Variants in KHDRBS1 observed in about 807,000 individuals in gnomAD.
KHDRBS1 encodes KH domain-containing, RNA-binding, signal transduction-associated protein 1.
KHDRBS1 carries 7 observed loss-of-function variants against 48.4 expected under a neutral mutation model. That is an observed-to-expected ratio of 0.14 (90% CI 0.08 to 0.27). KHDRBS1 has a LOEUF of 0.27. KHDRBS1 is among the 10% of genes least tolerant of loss of function. The pLI is 1.00. For synonymous variants in KHDRBS1, 241 were observed against 235.8 expected (o/e 1.02, Z -0.20); for missense variants, 458 against 601.2 (o/e 0.76, Z 2.49).
At chr1:32,037,769 C>A in intron 5 of KHDRBS1, 66 bp from the exon 6 acceptor site, 1 of 1,551,488 alleles carries the variant, frequency 6.4e-7, no homozygotes, top group Non-Finnish European at 8.9e-7. Context: ...AATTTGTAAA[C>A]AAATCAGAAC....
At chr1:32,031,180 G>T (rs1253952162) in intron 2 of KHDRBS1, among the ~76,000 whole-genome samples, 1 of 152,202 alleles carries the variant, frequency 6.6e-6, no homozygotes, top group Non-Finnish European at 1.5e-5. Context: ...CCAGAAAGTT[G>T]AGGCTGTGAT....
At chr1:32,023,888 T>G (rs1298718764) in intron 1 of KHDRBS1, among the ~76,000 whole-genome samples, 1 of 152,178 alleles carries the variant, frequency 6.6e-6, no homozygotes, top group Non-Finnish European at 1.5e-5. Context: ...AAGTCAGCTC[T>G]TCCTTGCTTA....
chr1:32,028,298 T>G (rs1399957120), intron 1 of KHDRBS1, among the ~76,000 whole-genome samples: 4 of 151,986 alleles, frequency 2.6e-5, no homozygotes, highest in Non-Finnish European at 2.9e-5. Context: ...CCAGACTGGC[T>G]TTGAAGCCCA....
At chr1:32,049,672 T>A (rs1013350038) in intron 10 of KHDRBS1, among the ~76,000 whole-genome samples, 19 of 151,502 alleles carry the variant, frequency 1.3e-4, no homozygotes, top group Admixed American at 5.9e-4. Flanking sequence ...TTTTATTTTT[T>A]TTTTTTTGAG....
chr1:32,058,678 C>G (rs1486548188), intron 10 of KHDRBS1, among the ~76,000 whole-genome samples: 1 of 152,164 alleles, frequency 6.6e-6, no homozygotes, highest in East Asian at 1.9e-4. Context: ...TAGCACATGC[C>G]TGTAATCCCA....
At chr1:32,028,763 C>A (rs1639024781) in intron 1 of KHDRBS1, among the ~76,000 whole-genome samples, 1 of 151,412 alleles carries the variant, frequency 6.6e-6, no homozygotes, top group African/African-American at 2.4e-5. Context: ...CCTCAGCCTC[C>A]CAAAGTGCTG....
intron 3 of KHDRBS1, among the ~76,000 whole-genome samples, chr1:32,031,889 C>T (rs1639086713): frequency 6.6e-6 from 1 of 152,116 alleles, no homozygotes; most frequent in African/African-American, 2.4e-5. Context: ...ATGGAAACAG[C>T]AGTAGCATGT....
chr1:32,017,638 A>C (rs1444633361), intron 1 of KHDRBS1, among the ~76,000 whole-genome samples: 8 of 90,374 alleles, frequency 8.9e-5, no homozygotes, highest in East Asian at 3.4e-4. Context: ...ACGGAGTTGC[A>C]CTTTTGTTGC....
At chr1:32,022,071 G>A (rs12408664) in intron 1 of KHDRBS1, among the ~76,000 whole-genome samples, 9,357 of 151,610 alleles carry the variant, frequency 0.062, 581 homozygotes, top group East Asian at 0.33. Context: ...GGGTTCAAGC[G>A]ATTCTCCTCT....
intron 3 of KHDRBS1, among the ~76,000 whole-genome samples, chr1:32,032,159 C>G (rs772163099): frequency 3.3e-5 from 5 of 152,094 alleles, no homozygotes; most frequent in Non-Finnish European, 7.4e-5. Flanking sequence ...GAATCTAATG[C>G]GTCTTTTTTT....
At position 32,042,796 on chromosome 1, in the gene KHDRBS1, T is replaced by G; in HGVS notation, c.*172T>G. 1 of 521,112 alleles carries G rather than the reference T, an allele frequency of 1.9e-6. No individual in the cohort carries two copies. Among genetic ancestry groups the G allele is most frequent in the Non-Finnish European group, 3.5e-6 (1 of 289,158 alleles). 32.3% of individuals were successfully genotyped at this position (521,112 alleles called of 1,614,324 possible). A position where few individuals can be genotyped will look rare whatever the true frequency, so the allele number is the denominator to read the frequency against. ...TCCATTCTTAACTCTGCATTCTGGCTTCTGTATGTAGTATTTTAAAATGAG... is the reference window on the plus strand; with the variant it reads ...TCCATTCTTAACTCTGCATTCTGGCGTCTGTATGTAGTATTTTAAAATGAG... On this transcript the variant is annotated 3_prime_UTR_variant, in exon 9 of 9. Transcript: ENST00000327300.
At chr1:32,055,516 C>T (rs1239994039) in intron 10 of KHDRBS1, among the ~76,000 whole-genome samples, 2 of 152,094 alleles carry the variant, frequency 1.3e-5, no homozygotes, top group Non-Finnish European at 2.9e-5. Flanking sequence ...GTACCTCCTG[C>T]TCCCCAGATT....
chr1:32,030,319 G>C lies in KHDRBS1; in HGVS notation c.404G>C (p.Gly135Ala), dbSNP rs561591917. 1 of 1,606,498 alleles carries C rather than the reference G, an allele frequency of 6.2e-7. No homozygotes were observed. The highest frequency in any genetic ancestry group is 2.2e-5 in the East Asian group (1 of 44,658). Residue 135 changes from glycine to alanine, a missense_variant, in exon 2 of 9, where the codon GGA becomes GCA. Gly to Ala is a moderately conservative substitution (Grantham distance 60). This residue lies in a region of KHDRBS1 where 213 missense variants were observed against 215.6 expected (regional missense o/e 0.99). Transcript: ENST00000327300. ...LTAEIEKIQKGDSKKDDEENY... is the reference protein window; with the variant it reads ...LTAEIEKIQKADSKKDDEENY... ...TCAGAAATTGAGAAGATTCAGAAAG[G>C]AGACTCAAAAAAGGATGATGAGGAG...
intron 1 of KHDRBS1, among the ~76,000 whole-genome samples, chr1:32,027,105 T>TA (rs1417943948): frequency 6.6e-6 from 1 of 152,084 alleles, no homozygotes; most frequent in African/African-American, 2.4e-5. Context: ...TATGTATATA[T>TA]TTTTTTAGTA....
Position 32,013,892 on chromosome 1 carries a change from C to A in KHDRBS1, c.-104C>A, listed in dbSNP as rs891610883. Reference sequence around the variant, plus strand: ...TCTCTCGCTGGGTCGCTCGGGTCGGCTTCGGTCGCTACCGCTCCCGCTCTG... The same window carrying A: ...TCTCTCGCTGGGTCGCTCGGGTCGGATTCGGTCGCTACCGCTCCCGCTCTG... On this transcript the variant is annotated 5_prime_UTR_variant, in exon 1 of 9. Coordinates refer to ENST00000327300, the MANE Select transcript of KHDRBS1 (RefSeq NM_006559.3). 1 of 1,163,618 alleles carries A rather than the reference C, an allele frequency of 8.6e-7. No individual in the cohort carries two copies. The highest frequency in any genetic ancestry group is 1.6e-5 in the African/African-American group (1 of 61,910). 72.1% of individuals were successfully genotyped at this position (1,163,618 alleles called of 1,614,324 possible).
chr1:32,038,587 A>C lies in KHDRBS1; in HGVS notation c.1143A>C (p.Glu381Asp). Residue 381 changes from glutamate (E) to aspartate (D), a missense_variant, in exon 7 of 9, where the codon GAA becomes GAC. Glu to Asp is a conservative substitution (Grantham distance 45, BLOSUM62 2). Coordinates refer to ENST00000327300, the MANE Select transcript of KHDRBS1 (RefSeq NM_006559.3). ...YDDTYAEQSY[E>D]GYEGYYSQSQ... ...ATACATACGCAGAACAAAGTTACGA[A>C]GGCTACGAAGGCTATTACAGCCAGA... The C allele has an allele frequency of 6.2e-7, 1 of 1,613,872 alleles. No homozygotes were observed. The highest frequency in any genetic ancestry group is 8.5e-7 in the Non-Finnish European group (1 of 1,179,854).
At chr1:32,032,799 C>T (rs1569793767) in intron 3 of KHDRBS1, among the ~76,000 whole-genome samples, 1 of 152,046 alleles carries the variant, frequency 6.6e-6, no homozygotes, top group East Asian at 1.9e-4. Flanking sequence ...AAGCAATTCT[C>T]CTGCCTCAGC....
At chr1:32,042,002 G>C (rs1044604848) in intron 8 of KHDRBS1, among the ~76,000 whole-genome samples, 49 of 152,148 alleles carry the variant, frequency 3.2e-4, no homozygotes, top group African/African-American at 1.1e-3. Context: ...GCCCTTGCTT[G>C]GTTTTCCCAG....
intron 6 of KHDRBS1, 69 bp downstream of exon 6, chr1:32,038,105 G>T (rs181449163): frequency 6.3e-7 from 1 of 1,591,586 alleles, no homozygotes; most frequent in African/African-American, 1.3e-5. Context: ...GAATGACAGG[G>T]CCTCGGTCCT....
Sources: allele counts gnomAD v4.1 joint callset (sites outside exome capture counted in the v4.1 genomes callset), GRCh38; gene constraint gnomAD v4.1.1; regional missense constraint gnomAD v4.1.1; transcripts MANE v1.5; gene names NCBI Gene and HGNC (gene_info 2026-07-23, HGNC 2026-07-21).